ROBO1: variants seen among roughly 807,000 people sequenced by gnomAD.
ROBO1 encodes the protein roundabout homolog 1.
In ROBO1, 149 loss-of-function variants were observed where a neutral mutation model predicts 195.9. The ratio of observed to expected loss-of-function variants is 0.76; its 90% CI spans 0.67 to 0.87. ROBO1 has a LOEUF of 0.87. Ranked by LOEUF, ROBO1 falls within the 40% of genes least tolerant of loss-of-function variation. ROBO1 has a pLI of 0.00. For synonymous variants in ROBO1, 816 were observed against 733.2 expected, an observed-to-expected ratio of 1.11 and a Z score of -1.82; for missense variants, 1,933 against 2,068.3, an observed-to-expected ratio of 0.93 and a Z score of 1.27.
chr3:78,963,130 T>C (rs1032920552), intron 3 of ROBO1, among the ~76,000 whole-genome samples: 7 of 151,720 alleles, frequency 4.6e-5, no homozygotes, highest in Non-Finnish European at 8.8e-5. Context: ...ATGCTGATGA[T>C]AGGAGGGTGG....
intron 2 of ROBO1, among the ~76,000 whole-genome samples, chr3:79,557,082 T>C (rs2107693980): frequency 1.3e-5 from 2 of 151,550 alleles, no homozygotes; most frequent in African/African-American, 4.8e-5. Flanking sequence ...TAATGATATG[T>C]TTCCCATACA....
chr3:79,206,127 C>A lies in ROBO1; in HGVS notation c.89-80588G>T, dbSNP rs554501823. Reference sequence around the variant, plus strand: ...CATGATGAGATCTCATGCTGTCCTACTCAATCCCAGCTGGCATGTGAATCA... The same window carrying A: ...CATGATGAGATCTCATGCTGTCCTAATCAATCCCAGCTGGCATGTGAATCA... On this transcript the variant is annotated intron_variant, in intron 2 of 30. Coordinates refer to ENST00000464233, the MANE Select transcript of ROBO1 (RefSeq NM_002941.4). Among the ~76,000 whole-genome samples, 6 of 152,268 alleles carry A rather than the reference C, an allele frequency of 3.9e-5. No individual in the cohort carries two copies. In the South Asian group the frequency reaches 1.2e-3, roughly 32 times the overall value.
intron 2 of ROBO1, among the ~76,000 whole-genome samples, chr3:79,141,110 T>C (rs2080515169): frequency 6.6e-6 from 1 of 152,208 alleles, no homozygotes; most frequent in Non-Finnish European, 1.5e-5. Context: ...TCCAATTTCT[T>C]TTACTGTCTC....
At chr3:78,980,255 G>A (rs1312837481) in intron 3 of ROBO1, among the ~76,000 whole-genome samples, 1 of 152,136 alleles carries the variant, frequency 6.6e-6, no homozygotes, top group African/African-American at 2.4e-5. Context: ...GATGTTAGAT[G>A]TCTGGACAGA....
At chr3:79,538,635 T>G (rs1296418123) in intron 2 of ROBO1, among the ~76,000 whole-genome samples, 1 of 152,140 alleles carries the variant, frequency 6.6e-6, no homozygotes, top group Non-Finnish European at 1.5e-5. Context: ...TATTACTAAA[T>G]GTTTATTTGA....
chr3:79,063,670 A>G (rs922343581), intron 3 of ROBO1, among the ~76,000 whole-genome samples: 2 of 151,874 alleles, frequency 1.3e-5, no homozygotes, highest in African/African-American at 4.8e-5. Context: ...AAGACACCCA[A>G]TGGTGTCCTA....
intron 2 of ROBO1, among the ~76,000 whole-genome samples, chr3:79,457,889 A>T (rs1395690808): frequency 6.6e-6 from 1 of 152,120 alleles, no homozygotes. Context: ...ATAGAGAAGA[A>T]AGAAAGAATG....
intron 2 of ROBO1, among the ~76,000 whole-genome samples, chr3:79,189,926 T>C (rs2081507886): frequency 6.6e-6 from 1 of 151,642 alleles, no homozygotes; most frequent in African/African-American, 2.4e-5. Context: ...GGATTTACAG[T>C]AGCCCTTTAC....
chr3:78,696,231 T>A (rs538211984), intron 8 of ROBO1, among the ~76,000 whole-genome samples: 3 of 151,950 alleles, frequency 2.0e-5, no homozygotes, highest in Non-Finnish European at 4.4e-5. Context: ...TCATAGCCCT[T>A]CTCAACTTCG....
At chr3:79,134,037 G>T (rs1280032937) in intron 2 of ROBO1, among the ~76,000 whole-genome samples, 2 of 150,500 alleles carry the variant, frequency 1.3e-5, no homozygotes, top group Non-Finnish European at 3.0e-5. Context: ...ATTGACAAAT[G>T]GGATCTAATT....
At chr3:78,980,754 A>G (rs1232460818) in intron 3 of ROBO1, among the ~76,000 whole-genome samples, 1 of 152,096 alleles carries the variant, frequency 6.6e-6, no homozygotes, top group Non-Finnish European at 1.5e-5. Context: ...GGTATATGTA[A>G]TTCTATAAAC....
intron 3 of ROBO1, among the ~76,000 whole-genome samples, chr3:79,075,715 T>C (rs1352105395): frequency 6.6e-6 from 1 of 151,898 alleles, no homozygotes; most frequent in Non-Finnish European, 1.5e-5. Flanking sequence ...CCAGAGGAAT[T>C]CTGAGGTTAT....
At chr3:79,565,669 C>G (rs1402006224) in intron 2 of ROBO1, among the ~76,000 whole-genome samples, 1 of 151,944 alleles carries the variant, frequency 6.6e-6, no homozygotes, top group Admixed American at 6.6e-5. Context: ...GAAAGCTGAC[C>G]TTAAGTCCTG....
intron 1 of ROBO1, among the ~76,000 whole-genome samples, chr3:79,646,420 C>T (rs1030639262): frequency 5.9e-5 from 9 of 152,094 alleles, no homozygotes; most frequent in East Asian, 3.9e-4. Context: ...CAAATACTAA[C>T]GAGCATGTGG....
At chr3:78,930,256 G>A (rs2039439277) in intron 4 of ROBO1, among the ~76,000 whole-genome samples, 1 of 152,160 alleles carries the variant, frequency 6.6e-6, no homozygotes, top group Admixed American at 6.5e-5. Flanking sequence ...AAATATTTCT[G>A]AGTTCCATGT....
chr3:79,392,716 G>T (rs2036998862), intron 2 of ROBO1, among the ~76,000 whole-genome samples: 1 of 152,088 alleles, frequency 6.6e-6, no homozygotes, highest in African/African-American at 2.4e-5. Context: ...CTCCTCTGGG[G>T]CAATAAAAGA....
At chr3:79,663,004 A>T (rs775092911) in intron 1 of ROBO1, among the ~76,000 whole-genome samples, 25 of 152,202 alleles carry the variant, frequency 1.6e-4, no homozygotes, top group Non-Finnish European at 2.8e-4. Flanking sequence ...AAAGAATCAC[A>T]TATAAATTTG....
chr3:79,407,581 T>A (rs1037449035), intron 2 of ROBO1, among the ~76,000 whole-genome samples: 5 of 152,176 alleles, frequency 3.3e-5, no homozygotes, highest in Non-Finnish European at 7.4e-5. Flanking sequence ...CTTCCCTGCT[T>A]AAACTCTTAT....
At chr3:78,981,272 A>T (rs746299397) in intron 3 of ROBO1, among the ~76,000 whole-genome samples, 13 of 152,162 alleles carry the variant, frequency 8.5e-5, no homozygotes, top group Non-Finnish European at 1.3e-4. Flanking sequence ...GTCATAGACT[A>T]TGAATGTTAA....
Sources: gnomAD v4.1 joint callset for allele counts (sites outside exome capture counted in the v4.1 genomes callset) on GRCh38, gnomAD v4.1.1 for gene constraint, MANE v1.5 for transcripts, NCBI Gene and HGNC (gene_info 2026-07-23, HGNC 2026-07-21) for gene names.